Variants in CLVS1 observed in about 807,000 individuals in gnomAD.
CLVS1 encodes the protein clavesin-1.
CLVS1 carries 10 observed loss-of-function variants against 33.1 expected under a neutral mutation model. That is an observed-to-expected ratio of 0.30 (90% CI 0.19 to 0.51). CLVS1 has a LOEUF of 0.51. Among genes scored for constraint, CLVS1 ranks in the 20% least tolerant of loss-of-function variants. The probability of loss-of-function intolerance (pLI) is 0.97; values close to 1 mark genes in which losing one functional copy is unlikely to be tolerated. For missense variants in CLVS1, 343 were observed against 433.4 expected (o/e 0.79, Z 1.85); for synonymous variants, 163 against 166.1 (o/e 0.98, Z 0.14).
chr8:61,100,362 A>C (rs1010276814), intron 1 of CLVS1, among the ~76,000 whole-genome samples: 6 of 152,326 alleles, frequency 3.9e-5, no homozygotes, highest in African/African-American at 1.4e-4. Context: ...GGTCTAAATT[A>C]GTGAATAAGT....
At position 61,500,076 on chromosome 8, in the gene CLVS1, A is replaced by C. The variant is rs562015152; in HGVS notation, c.*534A>C. 6.5e-6 allele frequency: 1 copy of C among 152,840 alleles called. No individual in the cohort carries two copies. Among genetic ancestry groups the C allele is most frequent in the African/African-American group, 2.4e-5 (1 of 41,462 alleles). 9.5% of individuals were successfully genotyped at this position (152,840 alleles called of 1,614,324 possible). A position where few individuals can be genotyped will look rare whatever the true frequency, so the allele number is the denominator to read the frequency against. ...CCTCATCACCAGCATCGAATTGTTC[A>C]GCCTAAGAGCATGTTCTCATAGGTC... On this transcript the variant is annotated 3_prime_UTR_variant, in exon 6 of 6. Transcript: ENST00000325897.
intron 3 of CLVS1, among the ~76,000 whole-genome samples, chr8:61,395,779 T>G (rs753541777): frequency 2.0e-5 from 3 of 151,970 alleles, no homozygotes; most frequent in Non-Finnish European, 4.4e-5. Flanking sequence ...CACCTTCTTA[T>G]ACAAATTCTC....
Position 61,455,699 on chromosome 8 carries a change from C to A in CLVS1, c.741+1448C>A, listed in dbSNP as rs1021785421. On this transcript the variant is annotated intron_variant, in intron 4 of 5. Transcript: ENST00000325897. ...GCTACCTCCTGGGTCAGGAACACCA[C>A]TCCTTATGGGAACCTGGCTAGGGTA... 3.3e-5 allele frequency among the ~76,000 whole-genome samples: 5 copies of A among 152,214 alleles called. 1 individual carries two copies. The highest frequency in any genetic ancestry group is 7.3e-5 in the Non-Finnish European group (5 of 68,028).
At chr8:61,088,826 G>A (rs1805176381) in intron 1 of CLVS1, among the ~76,000 whole-genome samples, 1 of 149,628 alleles carries the variant, frequency 6.7e-6, no homozygotes, top group Non-Finnish European at 1.5e-5. Flanking sequence ...TTTTGAGATG[G>A]AGTCTCGCTC....
intron 2 of CLVS1, among the ~76,000 whole-genome samples, chr8:61,182,379 T>C (rs1807255807): frequency 6.6e-6 from 1 of 152,076 alleles, no homozygotes; most frequent in African/African-American, 2.4e-5. Context: ...GAAACTATCA[T>C]CAGAGTGAAA....
At chr8:61,343,642 A>G (rs1720276097) in intron 2 of CLVS1, among the ~76,000 whole-genome samples, 1 of 152,206 alleles carries the variant, frequency 6.6e-6, no homozygotes, top group South Asian at 2.1e-4. Context: ...CCTAAAGTCA[A>G]CAGTCTGGGC....
intron 3 of CLVS1, among the ~76,000 whole-genome samples, chr8:61,393,040 C>T (rs979799839): frequency 9.9e-5 from 15 of 151,770 alleles, no homozygotes; most frequent in African/African-American, 2.9e-4. Flanking sequence ...GGTGCCACCA[C>T]GCCCAGCTAA....
At chr8:61,317,235 C>G (rs1043332178) in intron 2 of CLVS1, among the ~76,000 whole-genome samples, 11 of 152,098 alleles carry the variant, frequency 7.2e-5, no homozygotes, top group African/African-American at 2.2e-4. Flanking sequence ...AAGATGGTGT[C>G]CTGTTGCTGC....
At chr8:61,269,739 TG>T (rs1399923666) in intron 2 of CLVS1, among the ~76,000 whole-genome samples, 1 of 147,710 alleles carries the variant, frequency 6.8e-6, no homozygotes, top group African/African-American at 2.5e-5. Context: ...TCACATCCCT[TG>T]TAAGTTGGAT....
intron 2 of CLVS1, among the ~76,000 whole-genome samples, chr8:61,193,004 G>A (rs1476856766): frequency 1.3e-5 from 2 of 152,154 alleles, no homozygotes; most frequent in African/African-American, 4.8e-5. Context: ...ATTTGACCCA[G>A]CCATCCTATT....
chr8:61,190,966 TC>T (rs1417127856), intron 2 of CLVS1, among the ~76,000 whole-genome samples: 2 of 152,168 alleles, frequency 1.3e-5, no homozygotes, highest in Non-Finnish European at 2.9e-5. Context: ...CTGGTACCAT[TC>T]CCTCTGAAAC....
intron 2 of CLVS1, among the ~76,000 whole-genome samples, chr8:61,213,476 G>T (rs1808014264): frequency 6.7e-6 from 1 of 149,134 alleles, no homozygotes; most frequent in Non-Finnish European, 1.5e-5. Flanking sequence ...TGAAGCCATG[G>T]TAGAAGAATG....
rs1470059793 is a variant in CLVS1 at position 61,376,743 on chromosome 8, A to C, written c.594A>C (p.Thr198=). Residue 198 remains threonine, a synonymous_variant, in exon 3 of 6, where the codon ACA becomes ACC. Coordinates refer to ENST00000325897, the MANE Select transcript of CLVS1 (RefSeq NM_173519.3). ...CCTTCAAACAAGCCTCCAAACTGACACCTTCAATCCTTAAACTGGCCATTG... is the reference window on the plus strand; with the variant it reads ...CCTTCAAACAAGCCTCCAAACTGACCCCTTCAATCCTTAAACTGGCCATTG... The part of the protein sequence containing the change: ...NFSFKQASKL[T]PSILKLAIEG... The C allele has an allele frequency of 6.2e-7, 1 of 1,614,118 alleles. No individual in the cohort carries two copies. Among genetic ancestry groups the C allele is most frequent in the South Asian group, 1.1e-5 (1 of 91,076 alleles).
At chr8:61,045,158 C>T in the CLVS1 span, among the ~76,000 whole-genome samples, 7 of 152,318 alleles carry the variant, frequency 4.6e-5, no homozygotes, top group South Asian at 1.2e-3. Context: ...TGCTAAACAT[C>T]AGATTTGTAA....
intron 5 of CLVS1, among the ~76,000 whole-genome samples, chr8:61,479,370 C>T (rs1220325506): frequency 6.6e-6 from 1 of 152,150 alleles, no homozygotes; most frequent in African/African-American, 2.4e-5. Context: ...TCCAGTTGAT[C>T]GCATCAGCTA....
intron 2 of CLVS1, among the ~76,000 whole-genome samples, chr8:61,279,672 A>G (rs1055456143): frequency 4.6e-5 from 7 of 152,256 alleles, no homozygotes; most frequent in Non-Finnish European, 4.4e-5. Context: ...GAACTACATC[A>G]CAAGAATGTA....
intron 5 of CLVS1, among the ~76,000 whole-genome samples, chr8:61,485,983 T>A (rs2452688): frequency 0.83 from 126,592 of 152,034 alleles, 53,019 homozygotes; most frequent in Non-Finnish European, 0.86. Flanking sequence ...GCATTAGGAG[T>A]TATACCTAAT....
the CLVS1 span, among the ~76,000 whole-genome samples, chr8:61,026,962 C>T: frequency 1.2e-3 from 180 of 152,156 alleles, no homozygotes; most frequent in Non-Finnish European, 2.2e-3. Flanking sequence ...ATGAAACTTG[C>T]GTGATTAGTC....
At chr8:61,269,255 C>T (rs1809380756) in intron 2 of CLVS1, among the ~76,000 whole-genome samples, 1 of 152,122 alleles carries the variant, frequency 6.6e-6, no homozygotes, top group African/African-American at 2.4e-5. Flanking sequence ...GTTTTCCCAC[C>T]ACCATTAGTT....
Sources: gnomAD v4.1 joint callset for allele counts (sites outside exome capture counted in the v4.1 genomes callset) on GRCh38, gnomAD v4.1.1 for gene constraint, MANE v1.5 for transcripts, NCBI Gene and HGNC (gene_info 2026-07-23, HGNC 2026-07-21) for gene names.